Variants in NHSL1 observed in about 807,000 individuals in gnomAD.
The protein encoded by NHSL1 is NHS-like protein 1.
In NHSL1, 48 loss-of-function variants were observed where a neutral mutation model predicts 95.0. The observed-to-expected ratio is 0.51, with a 90% CI of 0.40 to 0.64. The LOEUF is 0.64. Ranked by LOEUF, NHSL1 falls within the 30% of genes least tolerant of loss-of-function variation. The pLI is 0.00. For synonymous variants in NHSL1, 783 were observed against 833.9 expected, an observed-to-expected ratio of 0.94 and a Z score of 1.05; for missense variants, 1,971 against 2,077.7, an observed-to-expected ratio of 0.95 and a Z score of 1.00.
rs1273268251 is a variant in NHSL1, at chr6:138,432,930, T to C, written c.1415A>G (p.Asn472Ser). ...TGAAAGAATGGTGGCATGGCCCTCA[T>C]TCCAGTGGCGACCGGGAGACTGAGG... ...GDPQSPGRHW[N>S]EGHATILSQD... The change falls in exon 6 of 8, where the codon AAT becomes AGT. Residue 472 changes from asparagine to serine, a missense_variant. Physicochemically the swap from Asn to Ser is conservative, Grantham distance 46. Transcript: ENST00000343505. The surrounding 1 kb of genome is among the most constrained non-coding windows in gnomAD (Gnocchi z 4.4). 3 of 1,551,410 alleles carry C rather than the reference T, an allele frequency of 1.9e-6. No homozygotes were observed. The highest frequency in any genetic ancestry group is 2.6e-6 in the Non-Finnish European group (3 of 1,146,840).
At chr6:138,601,966 T>C (rs1208537443) in intron 1 of NHSL1, among the ~76,000 whole-genome samples, 1 of 152,150 alleles carries the variant, frequency 6.6e-6, no homozygotes, top group Non-Finnish European at 1.5e-5. Flanking sequence ...TGCAAACCTA[T>C]AAAGCCGATA....
intron 1 of NHSL1, among the ~76,000 whole-genome samples, chr6:138,511,045 T>C (rs1781198611): frequency 6.6e-6 from 1 of 152,074 alleles, no homozygotes. Flanking sequence ...ACACAGAATC[T>C]GAGAAAAAAA....
At chr6:138,524,269 G>A (rs149673833) in intron 1 of NHSL1, among the ~76,000 whole-genome samples, 1 of 152,300 alleles carries the variant, frequency 6.6e-6, no homozygotes, top group East Asian at 1.9e-4. Context: ...ACAGAAAAGA[G>A]CACAAATTAT....
chr6:138,503,471 G>A (rs375176057), upstream of NHSL1, among the ~76,000 whole-genome samples: 2 of 152,058 alleles, frequency 1.3e-5, no homozygotes, highest in Non-Finnish European at 2.9e-5. Context: ...ATTTCATAAC[G>A]TGAAAAGTAC....
chr6:138,679,325 A>G (rs1426964047), intron 1 of NHSL1, among the ~76,000 whole-genome samples: 1 of 152,218 alleles, frequency 6.6e-6, no homozygotes, highest in East Asian at 1.9e-4. Context: ...AAGCAACATG[A>G]TAATTGATTA....
intron 1 of NHSL1, among the ~76,000 whole-genome samples, chr6:138,514,604 C>T (rs1562341287): frequency 6.6e-6 from 1 of 152,046 alleles, no homozygotes; most frequent in African/African-American, 2.4e-5. Flanking sequence ...GTCTCCCTCT[C>T]TCTTTTTCTC....
intron 1 of NHSL1, among the ~76,000 whole-genome samples, chr6:138,688,624 C>T (rs1319495072): frequency 1.3e-5 from 2 of 152,062 alleles, no homozygotes; most frequent in East Asian, 3.9e-4. Context: ...TCCTGGGCGA[C>T]AGAGTAAGGC....
intron 2 of NHSL1, among the ~76,000 whole-genome samples, chr6:138,493,876 T>C: frequency 6.6e-6 from 1 of 152,164 alleles, no homozygotes; most frequent in East Asian, 1.9e-4. Flanking sequence ...CCAAGGCCAT[T>C]TACAAACGAA....
chr6:138,573,001 C>T (rs1440503060), upstream of NHSL1, among the ~76,000 whole-genome samples: 3 of 152,154 alleles, frequency 2.0e-5, no homozygotes, highest in East Asian at 1.9e-4. Context: ...AAAGGTGAAA[C>T]GCAGCCATCA....
At position 138,490,891 on chromosome 6, in the gene NHSL1, C is replaced by A. The variant is rs12663987; in HGVS notation, c.211+5328G>T. The stretch of plus-strand genomic sequence containing the variant: ...TCGTGATCCGCCCGCCTTGGCCTCC[C>A]AAAGTACTGGGATTATAGGCGTGAG... On this transcript the variant is annotated intron_variant, in intron 2 of 7. Coordinates refer to ENST00000343505, the MANE Select transcript of NHSL1 (RefSeq NM_001144060.2). 1.6e-3 allele frequency among the ~76,000 whole-genome samples: 237 copies of A among 152,338 alleles called. 4 individuals are homozygous for A. In the East Asian group the frequency reaches 0.035, roughly 22 times the overall value.
chr6:138,444,871 G>A (rs572436378), intron 4 of NHSL1, among the ~76,000 whole-genome samples: 5 of 152,254 alleles, frequency 3.3e-5, no homozygotes, highest in Admixed American at 3.3e-4. Context: ...TGTAGAAAAT[G>A]GATCAATAAA....
chr6:138,438,115 T>G (rs1409995833), intron 5 of NHSL1, among the ~76,000 whole-genome samples: 3 of 152,214 alleles, frequency 2.0e-5, no homozygotes. Context: ...ATAAACAGTA[T>G]TACGTGCTAC....
rs575403658 is a variant in NHSL1, at chr6:138,441,035, G to C, written c.664+948C>G. Reference sequence around the variant, plus strand: ...AGCTATTACGTTTATGGTAGTACCAGGTACTAACCAAGTACCAAGGGCCTC... The same window carrying C: ...AGCTATTACGTTTATGGTAGTACCACGTACTAACCAAGTACCAAGGGCCTC... On this transcript the variant is annotated intron_variant, in intron 5 of 7. Transcript: ENST00000343505. 2.0e-5 allele frequency among the ~76,000 whole-genome samples: 3 copies of C among 152,320 alleles called. No individual in the cohort carries two copies. The East Asian group carries it at 5.8e-4, about 29-fold the overall frequency.
intron 1 of NHSL1, among the ~76,000 whole-genome samples, chr6:138,674,183 G>A (rs1478928882): frequency 6.6e-6 from 1 of 151,808 alleles, no homozygotes. Context: ...TCCTTTATTA[G>A]GTAAAAATTC....
At chr6:138,548,282 C>T (rs1333147168), upstream of NHSL1, among the ~76,000 whole-genome samples, 1 of 152,196 alleles carries the variant, frequency 6.6e-6, no homozygotes, top group Admixed American at 6.5e-5. Flanking sequence ...CTGCACCTGG[C>T]AGTTTAAGCC....
intron 3 of NHSL1, among the ~76,000 whole-genome samples, chr6:138,468,879 T>C (rs983447473): frequency 8.5e-5 from 13 of 152,222 alleles, no homozygotes; most frequent in African/African-American, 2.9e-4. Context: ...CCCCGTGAAA[T>C]CAAAGCTCCA....
At chr6:138,529,271 T>C (rs1782037953) in intron 1 of NHSL1, among the ~76,000 whole-genome samples, 1 of 152,176 alleles carries the variant, frequency 6.6e-6, no homozygotes, top group Non-Finnish European at 1.5e-5. Context: ...TTGGTGTTTA[T>C]CAGACATTGT....
chr6:138,663,313 C>A (rs559860931), intron 1 of NHSL1, among the ~76,000 whole-genome samples: 12 of 152,212 alleles, frequency 7.9e-5, no homozygotes, highest in Admixed American at 5.9e-4. Flanking sequence ...GTCATCCCAG[C>A]ACTTTGGGAG....
At chr6:138,642,488 TAC>T (rs1784970963) in intron 1 of NHSL1, among the ~76,000 whole-genome samples, 1 of 152,212 alleles carries the variant, frequency 6.6e-6, no homozygotes, top group African/African-American at 2.4e-5. Flanking sequence ...ATGTGAAATG[TAC>T]AGTGTTGGTT....
Sources: allele counts gnomAD v4.1 joint callset (sites outside exome capture counted in the v4.1 genomes callset), GRCh38; gene constraint gnomAD v4.1.1; non-coding constraint Gnocchi (gnomAD v3.1); transcripts MANE v1.5; gene names NCBI Gene and HGNC (gene_info 2026-07-23, HGNC 2026-07-21).